MYO18A: variants seen among roughly 807,000 people sequenced by gnomAD.
MYO18A encodes the protein unconventional myosin-XVIIIa.
MYO18A carries 78 observed loss-of-function variants against 235.8 expected under a neutral mutation model. That is an observed-to-expected ratio of 0.33 (90% CI 0.28 to 0.40). The LOEUF (loss-of-function observed/expected upper bound fraction) is 0.40, where lower values mean the gene tolerates loss of function less well. MYO18A is among the 10% of genes least tolerant of loss of function. MYO18A has a pLI of 1.00. For missense variants in MYO18A, 2,215 were observed against 2,699.3 expected, an observed-to-expected ratio of 0.82 and a Z score of 3.98; for synonymous variants, 977 against 1,077.8, an observed-to-expected ratio of 0.91 and a Z score of 1.83.
intron 31 of MYO18A, 41 bp from the exon 32 acceptor site, chr17:29,093,468 T>A (rs1199076465): frequency 2.6e-6 from 4 of 1,514,290 alleles, no homozygotes; most frequent in Non-Finnish European, 3.6e-6. Flanking sequence ...GTCCCTTTAG[T>A]GCCTGGTGCG....
rs1045742943 is a variant in MYO18A at position 29,158,832 on chromosome 17, C to T, written c.999+7110G>A. On this transcript the variant is annotated intron_variant, in intron 2 of 41. Transcript: ENST00000527372. The surrounding 1 kb of genome is among the most constrained non-coding windows in gnomAD (Gnocchi z 4.3). ...GCCACACACTCCCCTTCACCCTACT[C>T]CCCACTCACCCCCAGTCAGGGTGTT... Among the ~76,000 whole-genome samples, 2 of 152,216 alleles carry T rather than the reference C, an allele frequency of 1.3e-5. No homozygotes were observed. The highest frequency in any genetic ancestry group is 4.8e-5 in the African/African-American group (2 of 41,452).
Position 29,118,204 on chromosome 17 carries a change from G to A in MYO18A, c.1894-15C>T, listed in dbSNP as rs1202646060. ...TTTTCCTCAGGCTGTGGAGATAGAT[G>A]ACCTCAAAGGGCTGTCCCTCCCAGC... On this transcript the variant is annotated splice_polypyrimidine_tract_variant and intron_variant, in intron 9 of 41. Transcript: ENST00000527372. This position sits in a 1 kb window ranked among gnomAD's most constrained non-coding sequence, Gnocchi z 4.2. 1 of 1,594,902 alleles carries A rather than the reference G, an allele frequency of 6.3e-7. No homozygotes were observed. Among genetic ancestry groups the A allele is most frequent in the Non-Finnish European group, 8.5e-7 (1 of 1,169,674 alleles).
chr17:29,152,035 G>T, intron 2 of MYO18A, among the ~76,000 whole-genome samples: 1 of 152,242 alleles, frequency 6.6e-6, no homozygotes, highest in Non-Finnish European at 1.5e-5. Context: ...ATCCACAGAA[G>T]AGCAAAGGAA....
chr17:29,146,024 G>A (rs1293142682), intron 2 of MYO18A, among the ~76,000 whole-genome samples: 2 of 152,214 alleles, frequency 1.3e-5, no homozygotes, highest in Non-Finnish European at 2.9e-5. Flanking sequence ...TTGGGAGGCC[G>A]AGGTGGGCGG....
chr17:29,110,277 G>A (rs2152821985), intron 18 of MYO18A, among the ~76,000 whole-genome samples, 159 bp downstream of exon 18: 1 of 152,304 alleles, frequency 6.6e-6, no homozygotes, highest in East Asian at 1.9e-4. Flanking sequence ...CTCACAGGTG[G>A]CAGCACTGAA....
At chr17:29,128,270 G>A in intron 2 of MYO18A, 2 of 1,179,340 alleles carry the variant, frequency 1.7e-6, no homozygotes, top group Non-Finnish European at 2.1e-6. Context: ...GTGCTCGGGG[G>A]ACTTGACTCC....
chr17:29,115,527 G>A (rs548250322), intron 12 of MYO18A, 86 bp from the exon 13 acceptor site: 3 of 1,508,714 alleles, frequency 2.0e-6, no homozygotes, highest in South Asian at 1.2e-5. Flanking sequence ...GGCCCAGTCA[G>A]CACGGGGCCT....
At chr17:29,124,412 G>A (rs2067270733) in intron 2 of MYO18A, among the ~76,000 whole-genome samples, 1 of 152,202 alleles carries the variant, frequency 6.6e-6, no homozygotes, top group Non-Finnish European at 1.5e-5. Context: ...GGCCCAACTT[G>A]AAGGGCGACA....
chr17:29,086,290 G>T, intron 39 of MYO18A, 148 bp downstream of exon 39: 2 of 889,880 alleles, frequency 2.2e-6, no homozygotes, highest in Non-Finnish European at 3.5e-6. Context: ...GACAGGCTGT[G>T]CTGGGATCTG....
At chr17:29,134,524 T>C (rs750719829) in intron 2 of MYO18A, among the ~76,000 whole-genome samples, 2 of 152,022 alleles carry the variant, frequency 1.3e-5, no homozygotes, top group Non-Finnish European at 2.9e-5. Context: ...AAACTCTATT[T>C]ATTTATTTAT....
At chr17:29,093,874 A>C (rs369458873) in intron 31 of MYO18A, 106 bp downstream of exon 31, 7 of 781,850 alleles carry the variant, frequency 9.0e-6, no homozygotes, top group Non-Finnish European at 1.5e-5. Flanking sequence ...CCAGAATGAC[A>C]ATGGAAGACG....
chr17:29,155,699 G>C (rs777629339), intron 2 of MYO18A, among the ~76,000 whole-genome samples: 2 of 152,230 alleles, frequency 1.3e-5, no homozygotes, highest in African/African-American at 2.4e-5. Context: ...GTAGGCCAGA[G>C]AACCTGGGTC....
At chr17:29,153,561 G>C (rs2068000960) in intron 2 of MYO18A, among the ~76,000 whole-genome samples, 1 of 152,212 alleles carries the variant, frequency 6.6e-6, no homozygotes, top group African/African-American at 2.4e-5. Flanking sequence ...GACCCAAGCA[G>C]TCTGGCTCCA....
At chr17:29,107,297 A>C in intron 19 of MYO18A, 108 bp from the exon 20 acceptor site, 1 of 1,017,012 alleles carries the variant, frequency 9.8e-7, no homozygotes, top group Non-Finnish European at 1.5e-6. Flanking sequence ...AAGGGAAGAA[A>C]CTGCAGGGGG....
Position 29,121,352 on chromosome 17 carries a change from A to G in MYO18A, c.1372-141T>C. 8.9e-7 allele frequency: 1 copy of G among 1,122,444 alleles called. No individual in the cohort carries two copies. Among genetic ancestry groups the G allele is most frequent in the South Asian group, 1.5e-5 (1 of 65,558 alleles). The allele number at this position is 1,122,444 out of a possible 1,614,324, so 69.5% of individuals were successfully genotyped here. ...TTCCAAGGCCAAGGCCATGCATGGA[A>G]ATGAAGACACTAAGTCCTGGACTCC... On this transcript the variant is annotated intron_variant, in intron 5 of 41. Transcript: ENST00000527372. The surrounding 1 kb of genome is among the most constrained non-coding windows in gnomAD (Gnocchi z 4.2).
At position 29,072,678 on chromosome 17, in the gene MYO18A, T is replaced by C. The variant is rs2065898418; in HGVS notation, c.*2092A>G. 1 of 152,262 alleles carries C rather than the reference T, an allele frequency of 6.6e-6. No homozygotes were observed. The highest frequency in any genetic ancestry group is 2.1e-4 in the South Asian group (1 of 4,828). 9.4% of individuals were successfully genotyped at this position (152,262 alleles called of 1,614,324 possible). ...GGGAGACTTTTCTCCCTTCTTCCCT[T>C]TTGGACTCTTTCTGGATGGCTGACA... On this transcript the variant is annotated 3_prime_UTR_variant, in exon 42 of 42. Transcript: ENST00000527372.
chr17:29,137,015 C>G (rs1266606991), intron 2 of MYO18A: 1 of 152,238 alleles, frequency 6.6e-6, no homozygotes, highest in Non-Finnish European at 1.5e-5. Context: ...TGAACACTTA[C>G]TATGAGCCAG....
chr17:29,136,253 ATATATAT>A (rs1567623962), intron 2 of MYO18A, among the ~76,000 whole-genome samples: 73 of 53,218 alleles, frequency 1.4e-3, no homozygotes, highest in African/African-American at 4.8e-3. Flanking sequence ...AAAAAAAAAT[ATATATAT>A]ATATATATAT....
At chr17:29,128,171 T>G (rs55913184) in intron 2 of MYO18A, 498,224 of 1,118,850 alleles carry the variant, frequency 0.45, 112,407 homozygotes, top group East Asian at 0.85. Context: ...CTTCTTCACT[T>G]CAGGCTTAGG....
Sources: gnomAD v4.1 joint callset for allele counts (sites outside exome capture counted in the v4.1 genomes callset) on GRCh38, gnomAD v4.1.1 for gene constraint, Gnocchi (gnomAD v3.1) non-coding constraint, MANE v1.5 for transcripts, NCBI Gene and HGNC (gene_info 2026-07-23, HGNC 2026-07-21) for gene names.